Variants in DCDC1 observed in about 807,000 individuals in gnomAD.
DCDC1 encodes doublecortin domain-containing protein 1.
A neutral mutation model predicts 178.3 loss-of-function variants in DCDC1; 200 were observed. That is an observed-to-expected ratio of 1.12 (90% CI 1.00 to 1.26). The LOEUF (loss-of-function observed/expected upper bound fraction) is 1.26. Ranked by LOEUF, DCDC1 falls within the 50% of genes most tolerant of loss-of-function variation. DCDC1 has a pLI of 0.00. For missense variants in DCDC1, 1,983 were observed against 1,749.2 expected (o/e 1.13, Z -2.38); for synonymous variants, 690 against 604.8 (o/e 1.14, Z -2.07).
intron 9 of DCDC1, among the ~76,000 whole-genome samples, chr11:31,142,488 A>ATGTG (rs59196732): frequency 4.0e-5 from 6 of 150,374 alleles, no homozygotes; most frequent in African/African-American, 1.2e-4. Flanking sequence ...GTGTGTGTGT[A>ATGTG]TGTGTGTGTG....
chr11:30,886,903 T>G (rs565003477), intron 36 of DCDC1, among the ~76,000 whole-genome samples: 1 of 152,248 alleles, frequency 6.6e-6, no homozygotes, highest in African/African-American at 2.4e-5. Flanking sequence ...TTCTTATATT[T>G]TTCTTTACCA....
chr11:31,059,493 A>C (rs1955797727), intron 20 of DCDC1, among the ~76,000 whole-genome samples: 1 of 152,110 alleles, frequency 6.6e-6, no homozygotes, highest in Admixed American at 6.6e-5. Context: ...AAAGCTGAGT[A>C]TCTTCAATAG....
At chr11:31,131,371 C>T (rs1962421010) in intron 10 of DCDC1, among the ~76,000 whole-genome samples, 1 of 152,082 alleles carries the variant, frequency 6.6e-6, no homozygotes, top group African/African-American at 2.4e-5. Flanking sequence ...TCGTTATCCT[C>T]CTTTTCTTAC....
chr11:31,348,135 G>A (rs1950902443), intron 1 of DCDC1, among the ~76,000 whole-genome samples: 1 of 152,012 alleles, frequency 6.6e-6, no homozygotes, highest in Non-Finnish European at 1.5e-5. Context: ...ATTAATACAT[G>A]CTAGGAGTTT....
chr11:30,905,143 C>T lies in DCDC1; in HGVS notation c.4126G>A (p.Ala1376Thr), dbSNP rs142867047. 43 of 1,604,658 alleles carry T rather than the reference C, an allele frequency of 2.7e-5. 1 individual carries two copies. The highest frequency in any genetic ancestry group is 3.5e-5 in the Non-Finnish European group (41 of 1,174,342). Residue 1376 changes from alanine (A) to threonine (T), a missense_variant, in exon 31 of 39, where the codon GCT becomes ACT. Physicochemically the swap from Ala to Thr is moderately conservative, Grantham distance 58 (BLOSUM62 0). Transcript: ENST00000684477. Reference sequence around the variant, plus strand: ...TGGTAGTAACTTAGAGTTTTTTCAGCCTTGTCACACGACAAATCAACCTAA... The same window carrying T: ...TGGTAGTAACTTAGAGTTTTTTCAGTCTTGTCACACGACAAATCAACCTAA... Reference protein sequence around the residue: ...VAEVDLSCDKAEKTLSYYQAR... With the variant: ...VAEVDLSCDKTEKTLSYYQAR...
intron 9 of DCDC1, among the ~76,000 whole-genome samples, chr11:31,138,792 A>C (rs2136007763): frequency 1.3e-5 from 2 of 152,336 alleles, no homozygotes; most frequent in Admixed American, 1.3e-4. Context: ...AAATAGAGGA[A>C]GGGAGGTTCA....
chr11:31,263,818 G>T (rs1398234750), intron 8 of DCDC1, among the ~76,000 whole-genome samples: 1 of 152,148 alleles, frequency 6.6e-6, no homozygotes, highest in Non-Finnish European at 1.5e-5. Context: ...TACCCTTGCA[G>T]TTAAAGGCAT....
chr11:31,141,821 G>A (rs1565339375), intron 9 of DCDC1, among the ~76,000 whole-genome samples: 1 of 152,178 alleles, frequency 6.6e-6, no homozygotes, highest in Non-Finnish European at 1.5e-5. Flanking sequence ...AGAACAAATG[G>A]AGAAGAAGTA....
At chr11:31,358,740 A>T (rs1951536358) in intron 1 of DCDC1, among the ~76,000 whole-genome samples, 1 of 152,204 alleles carries the variant, frequency 6.6e-6, no homozygotes, top group Non-Finnish European at 1.5e-5. Flanking sequence ...ACAAATTTAC[A>T]AGAAAAAAAC....
At chr11:31,127,437 G>A (rs1353662312) in intron 11 of DCDC1, 32 bp downstream of exon 11, 2 of 694,862 alleles carry the variant, frequency 2.9e-6, no homozygotes, top group Admixed American at 2.0e-5. Context: ...TGCTCTGGCT[G>A]AATCCAATGA....
chr11:31,192,292 C>T (rs1176379910), intron 9 of DCDC1, among the ~76,000 whole-genome samples: 1 of 152,124 alleles, frequency 6.6e-6, no homozygotes, highest in African/African-American at 2.4e-5. Context: ...CTAATCCCAT[C>T]ATTTTCTAAA....
At chr11:31,289,941 T>C (rs925742812) in intron 7 of DCDC1, among the ~76,000 whole-genome samples, 1 of 152,036 alleles carries the variant, frequency 6.6e-6, no homozygotes, top group Non-Finnish European at 1.5e-5. Flanking sequence ...TTTGTTACTA[T>C]ATTATTATTA....
chr11:30,968,711 TTATATATATATATA>T (rs71451193), intron 20 of DCDC1, among the ~76,000 whole-genome samples: 6 of 61,046 alleles, frequency 9.8e-5, no homozygotes, highest in Non-Finnish European at 1.3e-4. Context: ...ATATATCAAA[TTATATATATATATA>T]TATATATATA....
At chr11:30,873,063 GTCTC>G (rs751867014) in intron 38 of DCDC1, among the ~76,000 whole-genome samples, 35 of 147,066 alleles carry the variant, frequency 2.4e-4, no homozygotes, top group Admixed American at 8.2e-4. Flanking sequence ...ATACAAGCTG[GTCTC>G]TCTCTCTCTC....
chr11:31,120,666 G>A (rs1234428230), intron 11 of DCDC1, among the ~76,000 whole-genome samples: 3 of 152,070 alleles, frequency 2.0e-5, no homozygotes, highest in Non-Finnish European at 4.4e-5. Context: ...CTGACCAATT[G>A]TGTGTGAAAT....
At position 31,176,750 on chromosome 11, in the gene DCDC1, CAAAGT is replaced by C. The variant is rs559747900; in HGVS notation, c.1222-38971_1222-38967del. 3.9e-3 allele frequency among the ~76,000 whole-genome samples: 597 copies of C among 152,104 alleles called. 4 individuals carry two copies. The highest frequency in any genetic ancestry group is 7.2e-3 in the Non-Finnish European group (487 of 67,960). On this transcript the variant is annotated intron_variant, in intron 9 of 38. Coordinates refer to ENST00000684477, the MANE Select transcript of DCDC1 (RefSeq NM_001387274.1). Reference sequence around the variant, plus strand: ...CCAGGAGAGAATGGGATAATACATTCAAAGTTCTGAAGGAAAAAAAATACTCAGCA... The same window carrying C: ...CCAGGAGAGAATGGGATAATACATTCTCTGAAGGAAAAAAAATACTCAGCA...
chr11:31,078,003 T>A (rs1484487768), intron 17 of DCDC1, 78 bp from the exon 18 acceptor site: 1 of 728,214 alleles, frequency 1.4e-6, no homozygotes, highest in African/African-American at 1.7e-5. Context: ...AAATGATCAT[T>A]TTCCAGATAG....
intron 2 of DCDC1, among the ~76,000 whole-genome samples, chr11:31,329,319 A>G (rs954951229): frequency 6.6e-6 from 1 of 151,790 alleles, no homozygotes; most frequent in Non-Finnish European, 1.5e-5. Flanking sequence ...TAAAAAAACC[A>G]CCTCTTTAGT....
At chr11:31,364,556 G>C (rs2133409747) in intron 1 of DCDC1, among the ~76,000 whole-genome samples, 1 of 152,252 alleles carries the variant, frequency 6.6e-6, no homozygotes, top group East Asian at 1.9e-4. Context: ...AAGTTAGAAA[G>C]AACTGACACA....
Sources: gnomAD v4.1 joint callset for allele counts (sites outside exome capture counted in the v4.1 genomes callset) on GRCh38, gnomAD v4.1.1 for gene constraint, MANE v1.5 for transcripts, NCBI Gene and HGNC (gene_info 2026-07-23, HGNC 2026-07-21) for gene names.